The following CWC27 variants were observed in gnomAD, a reference collection of about 807,000 sequenced individuals.
CWC27 encodes CWC27 spliceosome associated cyclophilin.
CWC27 carries 47 observed loss-of-function variants against 63.6 expected under a neutral mutation model. That is an observed-to-expected ratio of 0.74 (90% CI 0.58 to 0.94). The LOEUF (loss-of-function observed/expected upper bound fraction) is 0.94. Ranked by LOEUF, CWC27 falls within the 40% of genes least tolerant of loss-of-function variation. CWC27 has a pLI of 0.00. For missense variants in CWC27, 495 were observed against 554.3 expected (o/e 0.89, Z 1.07); for synonymous variants, 175 against 179.8 (o/e 0.97, Z 0.22).
At chr5:64,785,426 A>T in intron 4 of CWC27, 55 bp from the exon 5 acceptor site, 1 of 806,502 alleles carries the variant, frequency 1.2e-6, no homozygotes, top group Non-Finnish European at 1.8e-6. Flanking sequence ...GTTTTCTCTT[A>T]ATTCAAAGGA....
At chr5:64,769,282 T>C in intron 1 of CWC27, 94 bp downstream of exon 1, 1 of 1,094,868 alleles carries the variant, frequency 9.1e-7, no homozygotes, top group South Asian at 1.3e-5. Context: ...GATCTCGTGG[T>C]AGGAAGAGAC....
intron 7 of CWC27, among the ~76,000 whole-genome samples, chr5:64,795,385 G>C (rs1207395590): frequency 1.3e-5 from 2 of 152,078 alleles, no homozygotes; most frequent in African/African-American, 4.8e-5. Flanking sequence ...CATAAACTTA[G>C]TGGCATTAAG....
intron 12 of CWC27, among the ~76,000 whole-genome samples, chr5:64,976,101 T>G (rs1355905762): frequency 6.6e-6 from 1 of 152,168 alleles, no homozygotes; most frequent in Non-Finnish European, 1.5e-5. Flanking sequence ...AAATAAAATT[T>G]TTAAATAGCA....
intron 10 of CWC27, among the ~76,000 whole-genome samples, chr5:64,845,442 G>A (rs1745950635): frequency 6.6e-6 from 1 of 152,194 alleles, no homozygotes; most frequent in Admixed American, 6.5e-5. Context: ...TCATAAAGAT[G>A]TTCAGTGATG....
chr5:64,957,777 G>A (rs1320478752), intron 11 of CWC27, among the ~76,000 whole-genome samples: 1 of 152,128 alleles, frequency 6.6e-6, no homozygotes, highest in East Asian at 1.9e-4. Flanking sequence ...GGTTAACCCT[G>A]CTCCTCAAGG....
chr5:64,831,285 T>G (rs1226579529), intron 10 of CWC27, among the ~76,000 whole-genome samples: 3 of 151,998 alleles, frequency 2.0e-5, no homozygotes, highest in Non-Finnish European at 2.9e-5. Context: ...TTAGTACATT[T>G]TCTTCCCCTT....
chr5:64,905,355 G>T (rs1747610093), intron 11 of CWC27, among the ~76,000 whole-genome samples: 1 of 151,822 alleles, frequency 6.6e-6, no homozygotes, highest in Non-Finnish European at 1.5e-5. Flanking sequence ...ACCTCCTCCT[G>T]CCCCACTTTT....
At chr5:65,008,476 G>C (rs1218347039) in intron 13 of CWC27, among the ~76,000 whole-genome samples, 1 of 152,094 alleles carries the variant, frequency 6.6e-6, no homozygotes, top group Non-Finnish European at 1.5e-5. Flanking sequence ...TAGCCATTTG[G>C]GGAAAATAAT....
intron 11 of CWC27, among the ~76,000 whole-genome samples, chr5:64,939,185 G>T (rs1275894167): frequency 1.3e-5 from 2 of 152,130 alleles, no homozygotes; most frequent in African/African-American, 2.4e-5. Flanking sequence ...AGGAGAAGAG[G>T]TGTTCTGATT....
At chr5:64,846,213 A>G (rs1745973435) in intron 10 of CWC27, among the ~76,000 whole-genome samples, 1 of 152,230 alleles carries the variant, frequency 6.6e-6, no homozygotes, top group Non-Finnish European at 1.5e-5. Flanking sequence ...GCAAAACTCA[A>G]TGGTATATGT....
intron 11 of CWC27, among the ~76,000 whole-genome samples, chr5:64,947,851 T>A (rs1748619567): frequency 6.6e-6 from 1 of 152,044 alleles, no homozygotes; most frequent in Non-Finnish European, 1.5e-5. Flanking sequence ...AGGATAGATG[T>A]TCATTTTGGG....
At chr5:64,865,915 C>T (rs1443222029) in intron 10 of CWC27, among the ~76,000 whole-genome samples, 1 of 152,004 alleles carries the variant, frequency 6.6e-6, no homozygotes, top group Admixed American at 6.6e-5. Context: ...TGAAGTCTTC[C>T]AGCCACATCT....
intron 11 of CWC27, among the ~76,000 whole-genome samples, chr5:64,888,806 G>C (rs1747149923): frequency 6.6e-6 from 1 of 151,884 alleles, no homozygotes; most frequent in Admixed American, 6.6e-5. Context: ...AACTTGAAGA[G>C]AAACAGAATA....
chr5:64,956,621 A>G (rs749786704), intron 11 of CWC27, among the ~76,000 whole-genome samples: 2 of 152,162 alleles, frequency 1.3e-5, no homozygotes, highest in African/African-American at 2.4e-5. Flanking sequence ...GTAATAGTGT[A>G]TGTCTTACCC....
At chr5:64,844,583 AC>A (rs1161333065) in intron 10 of CWC27, among the ~76,000 whole-genome samples, 1 of 152,122 alleles carries the variant, frequency 6.6e-6, no homozygotes, top group East Asian at 1.9e-4. Context: ...AGCTCCCCTC[AC>A]CCTCAGCCAA....
intron 10 of CWC27, among the ~76,000 whole-genome samples, chr5:64,841,277 C>T (rs1170625390): frequency 2.6e-5 from 4 of 152,154 alleles, no homozygotes; most frequent in Non-Finnish European, 5.9e-5. Flanking sequence ...GTCCAAACAT[C>T]TTGTTTCAGG....
chr5:64,844,975 GAT>G (rs1376563980), intron 10 of CWC27: 1 of 456,586 alleles, frequency 2.2e-6, no homozygotes, highest in Non-Finnish European at 4.4e-6. Context: ...CCCAACTGCA[GAT>G]CTCAAATAGC....
chr5:64,991,250 A>G (rs900625224), intron 13 of CWC27, among the ~76,000 whole-genome samples: 1 of 151,948 alleles, frequency 6.6e-6, no homozygotes, highest in Non-Finnish European at 1.5e-5. Flanking sequence ...TTCAGGTTCA[A>G]ATACCACAGG....
intron 13 of CWC27, among the ~76,000 whole-genome samples, chr5:65,017,523 G>A (rs1481290575): frequency 6.6e-6 from 1 of 152,172 alleles, no homozygotes; most frequent in Non-Finnish European, 1.5e-5. Flanking sequence ...AGCTTTTGAT[G>A]AAGTAAGAAA....
Sources: gnomAD v4.1 joint callset for allele counts (sites outside exome capture counted in the v4.1 genomes callset) on GRCh38, gnomAD v4.1.1 for gene constraint, MANE v1.5 for transcripts, NCBI Gene and HGNC (gene_info 2026-07-23, HGNC 2026-07-21) for gene names.